The following BEND2 variants were observed in gnomAD, a reference collection of about 807,000 sequenced individuals.
BEND2 encodes the protein BEN domain containing 2, also known as BEN domain-containing protein 2.
BEND2 carries 19 observed loss-of-function variants against 43.8 expected under a neutral mutation model. The ratio of observed to expected loss-of-function variants is 0.43; its 90% CI spans 0.30 to 0.64. BEND2 has a LOEUF of 0.64. Among genes scored for constraint, BEND2 ranks in the 30% least tolerant of loss-of-function variants. The pLI, the probability that BEND2 is intolerant of heterozygous loss-of-function variation, is 0.11. For missense variants in BEND2, 544 were observed against 574.0 expected (o/e 0.95, Z 0.53); for synonymous variants, 226 against 210.1 (o/e 1.08, Z -0.66).
chrX:18,206,972 C>G (rs2147429124), intron 4 of BEND2, among the ~76,000 whole-genome samples: 1 of 111,853 alleles, frequency 8.9e-6, no homozygotes, highest in South Asian at 3.7e-4. Flanking sequence ...TGGAGAGGAG[C>G]CATTGGGGCC....
chrX:18,177,802 G>C (rs1260183707), intron 9 of BEND2, 33 bp from the exon 10 acceptor site: 1 of 1,136,380 alleles, frequency 8.8e-7, no homozygotes, highest in African/African-American at 1.8e-5. Context: ...GAACATCCTT[G>C]GTTTTGTCAT....
Position 18,191,012 on chromosome X carries a change from G to A in BEND2, c.1277C>T (p.Thr426Ile). The A allele has an allele frequency of 8.3e-7, 1 of 1,207,990 alleles. No individual in the cohort carries two copies. Among genetic ancestry groups the A allele is most frequent in the East Asian group, 3.0e-5 (1 of 33,754 alleles). Residue 426 changes from threonine to isoleucine, a missense_variant, in exon 8 of 14, where the codon ACT becomes ATT. Physicochemically the swap from Thr to Ile is moderately conservative, Grantham distance 89. This residue lies in a region of BEND2 where 501 missense variants were observed against 501.6 expected (regional missense o/e 1.00). Transcript: ENST00000380033. ...CATTTCAAACTCACCAAAATCGGGA[G>A]TGAGGCAGGCAGATGCTGAAGCATC... ...QDDASASACL[T>I]PDFALLPLNI... is the part of the protein sequence containing the mutation.
chrX:18,176,127 A>G lies in BEND2; in HGVS notation c.1631-34T>C, dbSNP rs753682873. On this transcript the variant is annotated intron_variant, in intron 10 of 13. Coordinates refer to ENST00000380033, the MANE Select transcript of BEND2 (RefSeq NM_153346.5). ...AGCAGAAAGTATTCACGAAAATTAG[A>G]AAAAAAAATTAACAAACTAATGAAA... is the stretch of plus-strand genomic sequence containing the variant. The G allele has an allele frequency of 2.5e-5, 29 of 1,146,108 alleles. No individual in the cohort carries two copies. In the African/African-American group the frequency reaches 4.6e-4, roughly 18 times the overall value. 94.5% of individuals were successfully genotyped at this position (1,146,108 alleles called of 1,213,427 possible).
In BEND2 at chrX:18,186,276, G is replaced by A. The variant is rs757608731; in HGVS notation, c.1288+4725C>T. On this transcript the variant is annotated intron_variant, in intron 8 of 13. Coordinates refer to ENST00000380033, the MANE Select transcript of BEND2 (RefSeq NM_153346.5). ...AGTTTGACACCAGCCTGGCCAACAT[G>A]GTGAAACCCCGACTCCACTAAAAAT... Among the ~76,000 whole-genome samples the A allele has an allele frequency of 3.4e-3, 377 of 110,090 alleles. 2 individuals carry two copies. The highest frequency in any genetic ancestry group is 0.011 in the African/African-American group (343 of 30,220).
intron 6 of BEND2, among the ~76,000 whole-genome samples, chrX:18,198,574 G>A (rs768164705): frequency 6.3e-5 from 7 of 111,541 alleles, no homozygotes; most frequent in East Asian, 2.8e-4. Flanking sequence ...GAGAGGATGT[G>A]GAGAAATAAA....
At chrX:18,207,164 C>A (rs1162920832) in intron 4 of BEND2, among the ~76,000 whole-genome samples, 3 of 111,883 alleles carry the variant, frequency 2.7e-5, no homozygotes, top group Non-Finnish European at 3.8e-5. Flanking sequence ...TGCATGTGTC[C>A]CTTGGAAGCA....
rs375247429 is a variant in BEND2, at chrX:18,174,302, A to G, written c.1753-44T>C. On this transcript the variant is annotated intron_variant, in intron 11 of 13. Coordinates refer to ENST00000380033, the MANE Select transcript of BEND2 (RefSeq NM_153346.5). ...ATATCCGTAAACAAAGTCCCACAGC[A>G]AGAAAATATGTCTGTGCTCTACCAC... 2.7e-6 allele frequency: 3 copies of G among 1,120,500 alleles called. No individual in the cohort carries two copies. In the African/African-American group the frequency reaches 5.4e-5, roughly 20 times the overall value. 92.3% of individuals were successfully genotyped at this position (1,120,500 alleles called of 1,213,427 possible). A position where few individuals can be genotyped will look rare whatever the true frequency, so the allele number is the denominator to read the frequency against.
chrX:18,214,388 G>C (rs1293422653), intron 2 of BEND2, among the ~76,000 whole-genome samples: 2 of 112,298 alleles, frequency 1.8e-5, no homozygotes, highest in African/African-American at 3.2e-5. Flanking sequence ...GTGACTGAAA[G>C]GGGGTGGATA....
intron 8 of BEND2, among the ~76,000 whole-genome samples, chrX:18,187,572 T>C (rs777425427): frequency 1.8e-5 from 2 of 112,246 alleles, no homozygotes; most frequent in South Asian, 7.4e-4. Flanking sequence ...ACTTTCAGCA[T>C]TGGACAGATC....
chrX:18,212,848 C>T (rs1242872112), intron 3 of BEND2, among the ~76,000 whole-genome samples, 168 bp from the exon 4 acceptor site: 2 of 112,319 alleles, frequency 1.8e-5, no homozygotes, highest in Non-Finnish European at 3.8e-5. Context: ...TATTTTAAAA[C>T]TGAAGGGCTA....
intron 1 of BEND2, among the ~76,000 whole-genome samples, chrX:18,217,666 T>C (rs1393018861): frequency 1.8e-5 from 2 of 111,120 alleles, no homozygotes; most frequent in Non-Finnish European, 3.8e-5. Context: ...TTAATAGTCT[T>C]CATGGAAAAA....
chrX:18,196,446 G>T (rs1224595039), intron 6 of BEND2, among the ~76,000 whole-genome samples: 1 of 111,008 alleles, frequency 9.0e-6, no homozygotes, highest in Non-Finnish European at 1.9e-5. Context: ...ATAAGACCCA[G>T]CAATTGTGCT....
Position 18,177,621 on chromosome X carries a change from G to C in BEND2, c.1578C>G (p.Ile526Met). 2 of 1,210,911 alleles carry C rather than the reference G, an allele frequency of 1.7e-6. No individual in the cohort carries two copies. The highest frequency in any genetic ancestry group is 2.2e-6 in the Non-Finnish European group (2 of 895,140). The stretch of plus-strand genomic sequence containing the variant: ...CGAGGGATTGGCTGTCTTTCAAATG[G>C]ATATCCACTGAGCTGCTAATCAGGA... ...KEILISSSVD[I>M]HLKDSQSLDP... Residue 526 changes from isoleucine to methionine, a missense_variant, in exon 10 of 14, where the codon ATC (isoleucine) becomes ATG (methionine). Coordinates refer to ENST00000380033, the MANE Select transcript of BEND2 (RefSeq NM_153346.5).
chrX:18,216,014 T>C (rs1157491730), intron 2 of BEND2, among the ~76,000 whole-genome samples: 1 of 111,775 alleles, frequency 8.9e-6, no homozygotes, highest in Non-Finnish European at 1.9e-5. Flanking sequence ...AATGTAAATT[T>C]CAAATTCCAA....
intron 7 of BEND2, among the ~76,000 whole-genome samples, chrX:18,193,334 G>A (rs1602042427): frequency 1.4e-5 from 1 of 69,876 alleles, no homozygotes; most frequent in East Asian, 5.8e-4. Flanking sequence ...CTCACAAAAA[G>A]AAAAGAAAAG....
rs1280710790 is a variant in BEND2 at position 18,177,752 on chromosome X, T to G, written c.1447A>C (p.Lys483Gln). The G allele has an allele frequency of 3.3e-6, 4 of 1,209,037 alleles. No homozygotes were observed. The South Asian group carries it at 7.0e-5, about 21-fold the overall frequency. Residue 483 changes from lysine to glutamine, a missense_variant, in exon 10 of 14, where the codon AAA becomes CAA. Physicochemically the swap from Lys to Gln is moderately conservative, Grantham distance 53. This residue lies in a region of BEND2 where 501 missense variants were observed against 501.6 expected (regional missense o/e 1.00). Transcript: ENST00000380033. The part of the protein sequence containing the change: ...PPKYGYLGDP[K>Q]RNVRVLKIHL... ...ATTTTAAGTACTCTGACATTTCTTT[T>G]TGGATCACCAAGATAGCCTTTAAAA... is the stretch of plus-strand genomic sequence containing the variant.
At chrX:18,190,548 G>A (rs1225796438) in intron 8 of BEND2, among the ~76,000 whole-genome samples, 1 of 111,287 alleles carries the variant, frequency 9.0e-6, no homozygotes, top group Non-Finnish European at 1.9e-5. Context: ...TTATAAAAAG[G>A]GAGAACATAC....
chrX:18,167,038 T>G (rs1923842040), intron 13 of BEND2, among the ~76,000 whole-genome samples: 2 of 110,922 alleles, frequency 1.8e-5, no homozygotes, highest in Non-Finnish European at 3.8e-5. Flanking sequence ...TCCAGCACTT[T>G]GGGAGGCTGA....
chrX:18,175,503 CTG>C (rs1201168237), intron 11 of BEND2, among the ~76,000 whole-genome samples: 5 of 112,024 alleles, frequency 4.5e-5, no homozygotes, highest in South Asian at 3.7e-4. Flanking sequence ...TGTAAAATAT[CTG>C]TAATCGTTTA....
Sources: gnomAD v4.1 joint callset for allele counts (sites outside exome capture counted in the v4.1 genomes callset) on GRCh38, gnomAD v4.1.1 for gene constraint, gnomAD v4.1.1 regional missense constraint, MANE v1.5 for transcripts, NCBI Gene and HGNC (gene_info 2026-07-23, HGNC 2026-07-21) for gene names.